The following NDE1 variants were observed in gnomAD, a reference collection of about 807,000 sequenced individuals.
The protein encoded by NDE1 is nuclear distribution protein nudE homolog 1.
NDE1 carries 28 observed loss-of-function variants against 43.4 expected under a neutral mutation model. The observed-to-expected ratio is 0.65, with a 90% CI of 0.48 to 0.89. NDE1 has a LOEUF of 0.89. Ranked by LOEUF, NDE1 falls within the 40% of genes least tolerant of loss-of-function variation. NDE1 has a pLI of 0.00. For synonymous variants in NDE1, 184 were observed against 172.0 expected (o/e 1.07, Z -0.55); for missense variants, 441 against 434.1 (o/e 1.02, Z -0.14).
chr16:15,682,167 CAAT>C (rs2038215732), intron 4 of NDE1, among the ~76,000 whole-genome samples: 1 of 152,154 alleles, frequency 6.6e-6, no homozygotes, highest in Non-Finnish European at 1.5e-5. Context: ...ATTATAGAAT[CAAT>C]AAAGTTCTAG....
chr16:15,654,384 G>A (rs1450678664), intron 1 of NDE1, among the ~76,000 whole-genome samples: 1 of 151,920 alleles, frequency 6.6e-6, no homozygotes, highest in African/African-American at 2.4e-5. Context: ...CAGATCACCT[G>A]AGGTCAGGAG....
intron 6 of NDE1, among the ~76,000 whole-genome samples, chr16:15,691,774 G>A (rs1278849144): frequency 6.6e-6 from 1 of 151,474 alleles, no homozygotes; most frequent in East Asian, 1.9e-4. Flanking sequence ...CGGAGTAGCT[G>A]GGACTAAAGG....
chr16:15,675,594 G>A (rs1012577630), intron 3 of NDE1, among the ~76,000 whole-genome samples: 5 of 151,878 alleles, frequency 3.3e-5, no homozygotes, highest in African/African-American at 9.7e-5. Context: ...ATGCCACCAC[G>A]CCTGGCTGTT....
intron 8 of NDE1, chr16:15,721,374 G>A (rs759853550): frequency 2.5e-6 from 4 of 1,583,540 alleles, no homozygotes; most frequent in Non-Finnish European, 3.5e-6. Flanking sequence ...TAGCACAGAG[G>A]GTGGGCAGGC....
chr16:15,726,341 T>C lies in NDE1; in HGVS notation c.*2090T>C, dbSNP rs140519946. 1,323 of 174,666 alleles carry C rather than the reference T, an allele frequency of 7.6e-3. 27 individuals are homozygous for C. Among genetic ancestry groups the C allele is most frequent in the African/African-American group, 0.029 (1,220 of 41,680 alleles). 10.8% of individuals were successfully genotyped at this position (174,666 alleles called of 1,614,324 possible). On this transcript the variant is annotated 3_prime_UTR_variant, in exon 9 of 9. Transcript: ENST00000396354. ...ACAGCAGGTGCTCAATAAATACTTA[T>C]CAAATTGGAAAAGGAAGGGTTTTTT... is the stretch of plus-strand genomic sequence containing the variant.
intron 3 of NDE1, among the ~76,000 whole-genome samples, chr16:15,669,992 G>C (rs376131115): frequency 6.6e-6 from 1 of 152,126 alleles, no homozygotes; most frequent in Non-Finnish European, 1.5e-5. Context: ...AGTCAACACC[G>C]TGCCCCAGAG....
At chr16:15,705,321 G>C (rs533052437) in intron 8 of NDE1, among the ~76,000 whole-genome samples, 1 of 152,148 alleles carries the variant, frequency 6.6e-6, no homozygotes, top group Admixed American at 6.5e-5. Context: ...GGACACCCCT[G>C]TCTCTCCTTA....
intron 4 of NDE1, among the ~76,000 whole-genome samples, chr16:15,682,798 C>T (rs548550291): frequency 2.0e-5 from 3 of 152,230 alleles, no homozygotes; most frequent in Admixed American, 6.6e-5. Flanking sequence ...GATCTTAGCT[C>T]ACTGCAGCCT....
At chr16:15,658,169 TTTCAGGCTTACCTCCGGC>T (rs1413895370) in intron 1 of NDE1, among the ~76,000 whole-genome samples, 3 of 152,168 alleles carry the variant, frequency 2.0e-5, no homozygotes, top group Non-Finnish European at 4.4e-5. Context: ...CCACCGGCAG[TTTCAGGCTTACCTCCGGC>T]TTCAGGCTTA....
intron 8 of NDE1, among the ~76,000 whole-genome samples, chr16:15,716,199 C>T (rs1055313096): frequency 6.6e-6 from 1 of 152,116 alleles, no homozygotes; most frequent in Non-Finnish European, 1.5e-5. Flanking sequence ...TCCCAAAGTG[C>T]CGGGATTATG....
intron 4 of NDE1, among the ~76,000 whole-genome samples, chr16:15,679,067 ACT>A (rs931795246): frequency 3.5e-4 from 53 of 152,210 alleles, no homozygotes; most frequent in African/African-American, 1.1e-3. Context: ...ACAGAGCTAG[ACT>A]CTGTCTCAAA....
chr16:15,650,873 C>T (rs1596536370), intron 1 of NDE1, among the ~76,000 whole-genome samples: 2 of 152,346 alleles, frequency 1.3e-5, no homozygotes, highest in East Asian at 3.9e-4. Flanking sequence ...TCCAAAAACC[C>T]ACCCTGCTCC....
intron 3 of NDE1, among the ~76,000 whole-genome samples, 189 bp downstream of exon 3, chr16:15,667,628 T>TTG (rs1491153164): frequency 7.1e-5 from 3 of 42,190 alleles, no homozygotes; most frequent in African/African-American, 2.5e-4. Flanking sequence ...GTGCTTTTTG[T>TTG]TTTGTTTTTT....
At chr16:15,643,581 TC>T (rs1338253203) in exon 1 of NDE1, 2 of 310,090 alleles carry the variant, frequency 6.4e-6, no homozygotes, top group African/African-American at 2.4e-5. Flanking sequence ...TTTTTTTTTT[TC>T]CTCTCTCGGG....
chr16:15,712,145 A>G (rs996057457), intron 8 of NDE1, among the ~76,000 whole-genome samples: 5 of 152,206 alleles, frequency 3.3e-5, no homozygotes. Context: ...GAGAGGAGCC[A>G]GTTTGGGGGT....
chr16:15,653,385 A>G (rs1340188110), intron 1 of NDE1, among the ~76,000 whole-genome samples: 1 of 152,188 alleles, frequency 6.6e-6, no homozygotes, highest in Non-Finnish European at 1.5e-5. Flanking sequence ...ATGTTGCCCC[A>G]GTGATGTCAC....
chr16:15,713,133 T>C (rs2039914224), intron 8 of NDE1: 1 of 151,726 alleles, frequency 6.6e-6, no homozygotes, highest in African/African-American at 2.4e-5. Flanking sequence ...ATGGAGCAAA[T>C]GAAAGAGAAA....
At chr16:15,668,126 G>A (rs2037411388) in intron 3 of NDE1, among the ~76,000 whole-genome samples, 1 of 152,128 alleles carries the variant, frequency 6.6e-6, no homozygotes. Flanking sequence ...CACTTTGGGA[G>A]GCTGAGGTGG....
chr16:15,652,932 C>G (rs2036575995), intron 1 of NDE1, among the ~76,000 whole-genome samples: 1 of 152,102 alleles, frequency 6.6e-6, no homozygotes, highest in Admixed American at 6.6e-5. Flanking sequence ...TCCCAACGTG[C>G]CGGGGTGGGA....
Sources: allele counts gnomAD v4.1 joint callset (sites outside exome capture counted in the v4.1 genomes callset), GRCh38; gene constraint gnomAD v4.1.1; transcripts MANE v1.5; gene names NCBI Gene and HGNC (gene_info 2026-07-23, HGNC 2026-07-21).